TMEM114: variants seen among roughly 807,000 people sequenced by gnomAD.
The protein encoded by TMEM114 is claudin-26.
In TMEM114, 6 loss-of-function variants were observed where a neutral mutation model predicts 6.2. That is an observed-to-expected ratio of 0.97 (90% CI 0.53 to 1.91). The LOEUF (loss-of-function observed/expected upper bound fraction) is 1.91, where lower values mean the gene tolerates loss of function less well. TMEM114 is among the 40% of genes most tolerant of loss of function. The pLI is 0.01. For missense variants in TMEM114, 218 were observed against 158.3 expected, an observed-to-expected ratio of 1.38 and a Z score of -2.02; for synonymous variants, 104 against 73.0, an observed-to-expected ratio of 1.42 and a Z score of -2.16.
At chr16:8,576,355 C>T (rs550543545) in intron 2 of TMEM114, among the ~76,000 whole-genome samples, 118 of 152,350 alleles carry the variant, frequency 7.7e-4, no homozygotes, top group African/African-American at 2.5e-3. Context: ...TCCCGTAAGT[C>T]CTTCCTGGCA....
At chr16:8,529,870 C>T in the TMEM114 span, among the ~76,000 whole-genome samples, 1 of 152,176 alleles carries the variant, frequency 6.6e-6, no homozygotes, top group Non-Finnish European at 1.5e-5. Context: ...TTGACCACCA[C>T]TAAGCTAGAA....
chr16:8,585,447 A>G (rs77858511), intron 2 of TMEM114, among the ~76,000 whole-genome samples: 14,709 of 151,802 alleles, frequency 0.097, 877 homozygotes, highest in South Asian at 0.16. Flanking sequence ...ATACACCCCC[A>G]CCAGGATTTA....
chr16:8,537,273 G>A (rs1359930216), downstream of TMEM114, among the ~76,000 whole-genome samples: 6 of 152,052 alleles, frequency 3.9e-5, no homozygotes, highest in South Asian at 2.1e-4. Flanking sequence ...GGCCAAGGCC[G>A]GCAGATGACC....
downstream of TMEM114, among the ~76,000 whole-genome samples, chr16:8,534,345 C>T (rs1900294784): frequency 9.3e-6 from 1 of 107,488 alleles, no homozygotes; most frequent in Non-Finnish European, 1.9e-5. Context: ...ATGCAATTTG[C>T]TTATTTGAAA....
chr16:8,536,900 A>T (rs1341399104), downstream of TMEM114, among the ~76,000 whole-genome samples: 1 of 152,106 alleles, frequency 6.6e-6, no homozygotes, highest in Non-Finnish European at 1.5e-5. Context: ...TAGGAATCAC[A>T]CATTTTTACT....
the TMEM114 span, among the ~76,000 whole-genome samples, chr16:8,528,707 G>T: frequency 6.6e-6 from 1 of 152,188 alleles, no homozygotes; most frequent in African/African-American, 2.4e-5. Context: ...ATTTAAAAAT[G>T]CATGAACTTT....
At chr16:8,530,947 G>C in the TMEM114 span, among the ~76,000 whole-genome samples, 36,236 of 151,860 alleles carry the variant, frequency 0.24, 4,581 homozygotes, top group African/African-American at 0.33. Flanking sequence ...ATGGCTTGAA[G>C]TGGGAGGCGG....
intron 2 of TMEM114, among the ~76,000 whole-genome samples, chr16:8,546,113 C>G (rs1900658421): frequency 6.6e-6 from 1 of 151,472 alleles, no homozygotes; most frequent in African/African-American, 2.4e-5. Context: ...GACCGTGTCT[C>G]AAAACAAAAA....
intron 2 of TMEM114, among the ~76,000 whole-genome samples, chr16:8,576,744 AAGG>A (rs1901948413): frequency 6.6e-6 from 1 of 151,728 alleles, no homozygotes; most frequent in Non-Finnish European, 1.5e-5. Flanking sequence ...GGAAGGAAGG[AAGG>A]AAGGAAGGAA....
downstream of TMEM114, among the ~76,000 whole-genome samples, chr16:8,533,331 G>A (rs376478066): frequency 2.0e-5 from 3 of 152,228 alleles, no homozygotes; most frequent in Non-Finnish European, 4.4e-5. Flanking sequence ...AAGATCCCAA[G>A]GCAGAGTATT....
chr16:8,576,058 G>C (rs999938000), intron 2 of TMEM114, among the ~76,000 whole-genome samples: 1 of 152,128 alleles, frequency 6.6e-6, no homozygotes, highest in Admixed American at 6.5e-5. Flanking sequence ...TCCGACATCA[G>C]ACGAGGTCAT....
At position 8,554,126 on chromosome 16, in the gene TMEM114, GA is replaced by G. The variant is rs1596473074; in HGVS notation, n.213-16301del. On this transcript the variant is annotated intron_variant and non_coding_transcript_variant, in intron 2 of 2. Coordinates refer to the TMEM114 transcript ENST00000623677. ...ACTCCTGAGCTCAGGTGATCCACCCGACTTGGCCTCCCTAAGACTACTTCAC... is the reference window on the plus strand; with the variant it reads ...ACTCCTGAGCTCAGGTGATCCACCCGCTTGGCCTCCCTAAGACTACTTCAC... Among the ~76,000 whole-genome samples, 10 of 152,142 alleles carry G rather than the reference GA, an allele frequency of 6.6e-5. No individual in the cohort carries two copies. The East Asian group carries it at 1.9e-3, about 29-fold the overall frequency.
chr16:8,540,133 G>A (rs1900474640), intron 2 of TMEM114, among the ~76,000 whole-genome samples: 1 of 152,046 alleles, frequency 6.6e-6, no homozygotes, highest in Non-Finnish European at 1.5e-5. Context: ...CACAAATATG[G>A]TATTTAATAA....
chr16:8,577,728 C>T lies in TMEM114; in HGVS notation c.302-5504G>A, dbSNP rs117152816. On this transcript the variant is annotated intron_variant, in intron 2 of 3. Transcript: ENST00000620492. The stretch of plus-strand genomic sequence containing the variant: ...CCTCCTGAGGAGCTGGGACTATAGG[C>T]GCCCGCCATCCCTCCTGGCGAATTT... Among the ~76,000 whole-genome samples the T allele has an allele frequency of 1.2e-3, 183 of 151,998 alleles. No homozygotes were observed. In the East Asian group the frequency reaches 0.024, roughly 20 times the overall value.
intron 2 of TMEM114, among the ~76,000 whole-genome samples, chr16:8,543,232 G>A (rs964369202): frequency 6.6e-6 from 1 of 152,146 alleles, no homozygotes; most frequent in Non-Finnish European, 1.5e-5. Context: ...GGCATGAGGA[G>A]CACTTGTTCA....
intron 2 of TMEM114, among the ~76,000 whole-genome samples, chr16:8,548,939 T>C (rs1443189169): frequency 6.6e-6 from 1 of 151,992 alleles, no homozygotes; most frequent in Non-Finnish European, 1.5e-5. Context: ...TCCCAGCACT[T>C]TGGGAGGCCA....
At position 8,569,908 on chromosome 16, in the gene TMEM114, G is replaced by C; in HGVS notation, c.537C>G (p.Asp179Glu). 6.4e-7 allele frequency: 1 copy of C among 1,551,238 alleles called. No individual in the cohort carries two copies. The highest frequency in any genetic ancestry group is 8.7e-7 in the Non-Finnish European group (1 of 1,146,960). The change falls in exon 4 of 4, where the codon GAC (aspartate) becomes GAG (glutamate). Residue 179 changes from aspartate (D) to glutamate (E), a missense_variant. Coordinates refer to ENST00000620492, the MANE Select transcript of TMEM114 (RefSeq NM_001146336.2). The part of the protein sequence containing the change: ...LCLLEEKALL[D>E]QVDISFGWSL... The stretch of plus-strand genomic sequence containing the variant: ...ACCAGCCGAAGCTGATGTCCACCTG[G>C]TCCAGGAGGGCCTTCTCCTCCAAGA...
chr16:8,572,019 T>C, intron 3 of TMEM114, 68 bp downstream of exon 3: 2 of 1,458,500 alleles, frequency 1.4e-6, no homozygotes, highest in Non-Finnish European at 1.8e-6. Flanking sequence ...TGCTGAGGGT[T>C]CATACACAGT....
chr16:8,581,373 G>C (rs7194076), intron 2 of TMEM114, among the ~76,000 whole-genome samples: 1 of 152,158 alleles, frequency 6.6e-6, no homozygotes, highest in East Asian at 1.9e-4. Flanking sequence ...GGGCAGTGAG[G>C]CTATACAGAC....
Sources: gnomAD v4.1 joint callset for allele counts (sites outside exome capture counted in the v4.1 genomes callset) on GRCh38, gnomAD v4.1.1 for gene constraint, MANE v1.5 for transcripts, NCBI Gene and HGNC (gene_info 2026-07-23, HGNC 2026-07-21) for gene names.